Variants in TEX9 observed in about 807,000 individuals in gnomAD.
TEX9 encodes the protein testis expressed 9.
Under a neutral mutation model 59.6 loss-of-function variants are expected in TEX9, and 74 were observed. The observed-to-expected ratio is 1.24, with a 90% confidence interval of 1.03 to 1.51. The LOEUF (loss-of-function observed/expected upper bound fraction) is 1.51. TEX9 is among the 40% of genes most tolerant of loss of function. The pLI, the probability that TEX9 is intolerant of heterozygous loss-of-function variation, is 0.00. For synonymous variants in TEX9, 186 were observed against 152.2 expected (o/e 1.22, Z -1.64); for missense variants, 522 against 447.8 (o/e 1.17, Z -1.49).
At chr15:56,320,717 A>G (rs1456213560) in intron 1 of TEX9, among the ~76,000 whole-genome samples, 1 of 152,166 alleles carries the variant, frequency 6.6e-6, no homozygotes. Flanking sequence ...TAGCCATATG[A>G]TTTGTCATCA....
intron 1 of TEX9, among the ~76,000 whole-genome samples, chr15:56,287,705 G>C (rs1461063319): frequency 6.6e-6 from 1 of 152,024 alleles, no homozygotes; most frequent in Non-Finnish European, 1.5e-5. Context: ...CTCATGTAGT[G>C]ACCATTTTCT....
intron 1 of TEX9, among the ~76,000 whole-genome samples, chr15:56,352,293 G>T (rs894194797): frequency 6.6e-6 from 1 of 152,088 alleles, no homozygotes; most frequent in African/African-American, 2.4e-5. Context: ...CGTCTGGGCT[G>T]GAGTGCAATG....
intron 3 of TEX9, among the ~76,000 whole-genome samples, chr15:56,379,824 T>C (rs1242358198): frequency 6.6e-6 from 1 of 151,928 alleles, no homozygotes; most frequent in Non-Finnish European, 1.5e-5. Context: ...TTTTTTGTTT[T>C]GAAATTTATT....
intron 1 of TEX9, among the ~76,000 whole-genome samples, chr15:56,291,302 C>T (rs1456803617): frequency 6.6e-6 from 1 of 152,170 alleles, no homozygotes; most frequent in Admixed American, 6.5e-5. Flanking sequence ...AACTGAAGGA[C>T]CAACGATGCT....
rs747649709 is a variant in TEX9, at chr15:56,412,437, G to C, written c.963+1G>C. The stretch of plus-strand genomic sequence containing the variant: ...AAGTAAATTAAGGCAAAATAACAAG[G>C]TATGGAAAAATTGAATAGCTTTTGT... On this transcript the variant is annotated splice_donor_variant, in intron 10 of 12. Transcript: ENST00000352903. LOFTEE classifies it high-confidence loss of function. 6.2e-7 allele frequency: 1 copy of C among 1,603,766 alleles called. No individual in the cohort carries two copies. The highest frequency in any genetic ancestry group is 1.7e-5 in the Admixed American group (1 of 57,670).
At chr15:56,294,072 C>T (rs1253710050) in intron 1 of TEX9, among the ~76,000 whole-genome samples, 1 of 152,194 alleles carries the variant, frequency 6.6e-6, no homozygotes, top group Non-Finnish European at 1.5e-5. Flanking sequence ...GATAAACTCT[C>T]ACACCTGGCT....
chr15:56,280,051 CA>C, intron 1 of TEX9, among the ~76,000 whole-genome samples: 1 of 152,308 alleles, frequency 6.6e-6, no homozygotes, highest in Non-Finnish European at 1.5e-5. Flanking sequence ...ACTGTATTGC[CA>C]GATGATTTTG....
intron 1 of TEX9, among the ~76,000 whole-genome samples, chr15:56,264,669 CAT>C (rs2044340299): frequency 1.3e-5 from 2 of 152,192 alleles, no homozygotes; most frequent in African/African-American, 4.8e-5. Flanking sequence ...ATCTCTGAGA[CAT>C]GTGTGACCTA....
chr15:56,303,031 C>G (rs757089680), intron 1 of TEX9, among the ~76,000 whole-genome samples: 3 of 152,050 alleles, frequency 2.0e-5, no homozygotes, highest in Non-Finnish European at 2.9e-5. Context: ...TAGATACACA[C>G]CCAAAACTTG....
intron 1 of TEX9, among the ~76,000 whole-genome samples, chr15:56,274,921 C>A (rs973658040): frequency 6.6e-6 from 1 of 152,138 alleles, no homozygotes. Flanking sequence ...CCTAATCCCA[C>A]CCTCAGGTTT....
chr15:56,365,824 C>G, intron 2 of TEX9, 154 bp downstream of exon 2: 2 of 1,445,924 alleles, frequency 1.4e-6, no homozygotes, highest in Non-Finnish European at 1.8e-6. Flanking sequence ...TTTATCCTTT[C>G]TTTGTCTTTG....
intron 2 of TEX9, among the ~76,000 whole-genome samples, chr15:56,372,412 A>G (rs1253326993): frequency 6.6e-6 from 1 of 152,154 alleles, no homozygotes; most frequent in Non-Finnish European, 1.5e-5. Flanking sequence ...TAAAATCCTT[A>G]ACATGTCTCC....
the TEX9 span, among the ~76,000 whole-genome samples, chr15:56,452,956 A>C: frequency 2.0e-5 from 3 of 152,204 alleles, no homozygotes; most frequent in African/African-American, 7.2e-5. Context: ...GATAGCCTCA[A>C]GCCTGCTATG....
At chr15:56,416,897 C>A (rs943826144) in intron 10 of TEX9, among the ~76,000 whole-genome samples, 16 of 151,734 alleles carry the variant, frequency 1.1e-4, no homozygotes, top group African/African-American at 3.4e-4. Flanking sequence ...CATTATTGGT[C>A]TGTGTAGGGA....
chr15:56,305,805 AAAGT>A (rs1451329524), intron 1 of TEX9, among the ~76,000 whole-genome samples: 1 of 152,210 alleles, frequency 6.6e-6, no homozygotes, highest in Non-Finnish European at 1.5e-5. Flanking sequence ...TTCTTGTAGC[AAAGT>A]AAGGAATCAA....
Position 56,390,721 on chromosome 15 carries a change from TTTGA to T in TEX9, c.396-517_396-514del, listed in dbSNP as rs531553400. On this transcript the variant is annotated intron_variant, in intron 6 of 12. Coordinates refer to ENST00000352903, the Ensembl canonical transcript of TEX9. Reference sequence around the variant, plus strand: ...GTTTCTTTGGGTGGAAAAAATGTTGTTTGATTGAGCTATTAGCTCTTCACTCTGT... The same window carrying T: ...GTTTCTTTGGGTGGAAAAAATGTTGTTTGAGCTATTAGCTCTTCACTCTGT... Among the ~76,000 whole-genome samples the T allele has an allele frequency of 1.1e-3, 165 of 152,226 alleles. 1 individual carries two copies. Among genetic ancestry groups the T allele is most frequent in the Middle Eastern group, 3.4e-3 (1 of 294 alleles).
At chr15:56,297,870 C>T (rs1181474139) in intron 1 of TEX9, among the ~76,000 whole-genome samples, 1 of 152,236 alleles carries the variant, frequency 6.6e-6, no homozygotes, top group Non-Finnish European at 1.5e-5. Context: ...CGAGACTGTA[C>T]TTGTCCTGAG....
rs191257500 is a variant in TEX9, at chr15:56,268,786, C to T, written c.-107+24508C>T. On this transcript the variant is annotated intron_variant, in intron 1 of 5. Coordinates refer to the TEX9 transcript ENST00000560827. ...ATCAGAGATATTGGTCTAAAATTCT[C>T]TTTTTTTGTTATGTCTCTGCCAGGC... is the stretch of plus-strand genomic sequence containing the variant. Among the ~76,000 whole-genome samples, 367 of 151,916 alleles carry T rather than the reference C, an allele frequency of 2.4e-3. 5 individuals are homozygous for T. Among genetic ancestry groups the T allele is most frequent in the African/African-American group, 8.5e-3 (351 of 41,418 alleles).
chr15:56,443,660 T>G, intron 12 of TEX9: 1 of 1,613,084 alleles, frequency 6.2e-7, no homozygotes. Context: ...CTGTAGCCTT[T>G]TCTCCTCATT....
Sources: gnomAD v4.1 joint callset for allele counts (sites outside exome capture counted in the v4.1 genomes callset) on GRCh38, gnomAD v4.1.1 for gene constraint, MANE v1.5 for transcripts, NCBI Gene and HGNC (gene_info 2026-07-23, HGNC 2026-07-21) for gene names.